MESD: variants seen among roughly 807,000 people sequenced by gnomAD.
The protein encoded by MESD is LRP chaperone MESD.
Under a neutral mutation model 12.9 loss-of-function variants are expected in MESD, and 7 were observed. The observed-to-expected ratio is 0.54, with a 90% CI of 0.31 to 1.02. MESD has a LOEUF of 1.02. Among genes scored for constraint, MESD ranks in the 50% least tolerant of loss-of-function variants. MESD has a pLI of 0.05. For synonymous variants in MESD, 126 were observed against 115.6 expected, an observed-to-expected ratio of 1.09 and a Z score of -0.58; for missense variants, 342 against 296.7, an observed-to-expected ratio of 1.15 and a Z score of -1.12.
At chr15:80,962,020 G>GC (rs757466121) in intron 3 of MESD, among the ~76,000 whole-genome samples, 1 of 152,192 alleles carries the variant, frequency 6.6e-6, no homozygotes, top group African/African-American at 2.4e-5. Context: ...TGGGCTAAAT[G>GC]CCCCAATTAA....
At chr15:80,982,243 AGGC>A in intron 1 of MESD, 61 bp from the exon 2 acceptor site, 1 of 1,380,260 alleles carries the variant, frequency 7.2e-7, no homozygotes. Context: ...CAACTGGCAC[AGGC>A]AAAAACTTCT....
At chr15:80,980,822 T>C (rs969901515) in intron 2 of MESD, among the ~76,000 whole-genome samples, 7 of 87,622 alleles carry the variant, frequency 8.0e-5, no homozygotes, top group African/African-American at 1.7e-4. Flanking sequence ...TAAATGCCCT[T>C]TTTTTTTTTT....
chr15:80,984,411 A>T (rs892093789), intron 1 of MESD, among the ~76,000 whole-genome samples: 1 of 152,184 alleles, frequency 6.6e-6, no homozygotes, highest in African/African-American at 2.4e-5. Flanking sequence ...TATCTCTACC[A>T]AAAAGAAAAA....
At chr15:80,987,638 G>A (rs543863971) in intron 1 of MESD, among the ~76,000 whole-genome samples, 2 of 151,974 alleles carry the variant, frequency 1.3e-5, no homozygotes, top group South Asian at 2.1e-4. Context: ...ACAGGTGCCC[G>A]CCACCATGCC....
chr15:80,964,578 A>C (rs1902142919), intron 3 of MESD, among the ~76,000 whole-genome samples: 1 of 152,274 alleles, frequency 6.6e-6, no homozygotes, highest in Non-Finnish European at 1.5e-5. Context: ...CTACAAGGCT[A>C]CAGCAATCAA....
intron 3 of MESD, among the ~76,000 whole-genome samples, chr15:80,955,048 G>A (rs1281688343): frequency 6.6e-6 from 1 of 151,970 alleles, no homozygotes; most frequent in Non-Finnish European, 1.5e-5. Flanking sequence ...TGTAGCCCCA[G>A]CACTTTGGGA....
intron 1 of MESD, 101 bp from the exon 2 acceptor site, chr15:80,982,283 C>G (rs1476899425): frequency 1.2e-6 from 1 of 864,496 alleles, no homozygotes; most frequent in Non-Finnish European, 1.8e-6. Flanking sequence ...ATGTATATGA[C>G]TTAAATTACA....
At chr15:80,981,193 T>G (rs955302470) in intron 2 of MESD, among the ~76,000 whole-genome samples, 1 of 151,594 alleles carries the variant, frequency 6.6e-6, no homozygotes, top group East Asian at 2.0e-4. Flanking sequence ...ATCCTAGCAC[T>G]TTGGGAGGCT....
intron 3 of MESD, among the ~76,000 whole-genome samples, chr15:80,956,100 G>A (rs938928718): frequency 6.6e-6 from 1 of 152,124 alleles, no homozygotes; most frequent in African/African-American, 2.4e-5. Context: ...TGAGGTGGGA[G>A]GATCACTTGA....
chr15:80,951,263 T>C (rs563111019), intron 4 of MESD: 1 of 152,772 alleles, frequency 6.5e-6, no homozygotes, highest in South Asian at 2.1e-4. Flanking sequence ...AAAAAAGATA[T>C]CTATTTGAAA....
downstream of MESD, among the ~76,000 whole-genome samples, chr15:80,972,816 T>A (rs796570185): frequency 6.6e-6 from 1 of 151,674 alleles, no homozygotes; most frequent in Admixed American, 6.6e-5. Flanking sequence ...AGGTCAGGAG[T>A]TCGAGACCAG....
rs1240321364 is a variant in MESD at position 80,989,776 on chromosome 15, A to G, written c.16T>C (p.Trp6Arg). The G allele has an allele frequency of 3.8e-6, 6 of 1,586,186 alleles. No individual in the cohort carries two copies. In the East Asian group the frequency reaches 1.1e-4, roughly 30 times the overall value. Residue 6 changes from tryptophan to arginine, a missense_variant, in exon 1 of 3, where the codon TGG becomes CGG. Physicochemically the swap from Trp to Arg is moderately radical, Grantham distance 101 (BLOSUM62 -3). Coordinates refer to ENST00000261758, the MANE Select transcript of MESD (RefSeq NM_015154.3). ...AGCAGGACCACGGCCTTGCGCGCCC[A>G]CCTGGAAGCCGCCATTTTCGCTGCG... MAASRWARKAVVLLCA... is the reference protein window; with the variant it reads MAASRRARKAVVLLCA...
chr15:80,948,878 T>C, exon 5 of MESD: 1 of 1,614,198 alleles, frequency 6.2e-7, no homozygotes, highest in Non-Finnish European at 8.5e-7. Flanking sequence ...AAAGCCAAAA[T>C]CTTCCAAGTT....
chr15:80,985,350 G>A (rs1902700335), intron 1 of MESD, among the ~76,000 whole-genome samples: 1 of 152,134 alleles, frequency 6.6e-6, no homozygotes, highest in Non-Finnish European at 1.5e-5. Flanking sequence ...AAGGCAAGCA[G>A]AACTCAGTAC....
At chr15:80,946,991 G>A, downstream of MESD, 1 of 1,613,852 alleles carries the variant, frequency 6.2e-7, no homozygotes, top group East Asian at 2.2e-5. Context: ...GCATCAAAGG[G>A]AAGATACGTC....
chr15:80,981,912 C>T (rs1177843157), intron 2 of MESD, 38 bp downstream of exon 2: 2 of 1,338,078 alleles, frequency 1.5e-6, no homozygotes, highest in African/African-American at 1.5e-5. Flanking sequence ...AGACCGAGCA[C>T]AGCCTATGAG....
At chr15:80,962,268 A>G (rs1291733100) in intron 3 of MESD, among the ~76,000 whole-genome samples, 1 of 152,228 alleles carries the variant, frequency 6.6e-6, no homozygotes, top group Non-Finnish European at 1.5e-5. Context: ...TGGTAAAGGA[A>G]TCAATTCAAC....
intron 1 of MESD, among the ~76,000 whole-genome samples, chr15:80,988,614 A>G (rs1361516523): frequency 6.6e-6 from 1 of 152,238 alleles, no homozygotes; most frequent in Non-Finnish European, 1.5e-5. Context: ...TCTTCTAGTC[A>G]GATGCATCAG....
chr15:80,969,719 G>A (rs1172658611), intron 3 of MESD, among the ~76,000 whole-genome samples: 1 of 152,216 alleles, frequency 6.6e-6, no homozygotes, highest in Admixed American at 6.5e-5. Flanking sequence ...GCCAGGTGTG[G>A]TGGCGGGTGC....
Sources: gnomAD v4.1 joint callset for allele counts (sites outside exome capture counted in the v4.1 genomes callset) on GRCh38, gnomAD v4.1.1 for gene constraint, MANE v1.5 for transcripts, NCBI Gene and HGNC (gene_info 2026-07-23, HGNC 2026-07-21) for gene names.